The following TRIO variants were observed in gnomAD, a reference collection of about 807,000 sequenced individuals.
The protein encoded by TRIO is triple functional domain protein.
In TRIO, 58 loss-of-function variants were observed where a neutral mutation model predicts 351.9. The ratio of observed to expected loss-of-function variants is 0.16; its 90% CI spans 0.13 to 0.21. The LOEUF is 0.21. Ranked by LOEUF, TRIO falls within the 10% of genes least tolerant of loss-of-function variation. The probability of loss-of-function intolerance (pLI) is 1.00; values close to 1 mark genes in which losing one functional copy is unlikely to be tolerated. For synonymous variants in TRIO, 1,758 were observed against 1,595.7 expected (o/e 1.10, Z -2.42); for missense variants, 3,201 against 4,027.8 (o/e 0.79, Z 5.56).
intron 1 of TRIO, among the ~76,000 whole-genome samples, chr5:14,227,088 G>A (rs1793092304): frequency 6.6e-6 from 1 of 152,184 alleles, no homozygotes; most frequent in Admixed American, 6.5e-5. Flanking sequence ...GAAAACATGC[G>A]GAAATAGGAA....
In TRIO at chr5:14,350,396, C is replaced by T. The variant is rs1742953686; in HGVS notation, c.2047-7782C>T. ...TGTCTTACCTTGCGGGGATGTTGGG[C>T]AATGGAAAGAAAATAAAAAAAACCC... On this transcript the variant is annotated intron_variant, in intron 11 of 56. Transcript: ENST00000344204. Among the ~76,000 whole-genome samples the T allele has an allele frequency of 2.0e-5, 3 of 152,154 alleles. 1 individual carries two copies. Among genetic ancestry groups the T allele is most frequent in the Middle Eastern group, 6.8e-3 (2 of 294 alleles).
chr5:14,473,916 G>T (rs1561532030), intron 39 of TRIO, 78 bp from the exon 40 acceptor site: 2 of 1,454,094 alleles, frequency 1.4e-6, no homozygotes, highest in African/African-American at 2.8e-5. Context: ...TTTGCCCTCT[G>T]TGACTATTAA....
At chr5:14,373,684 G>A (rs1164941670) in intron 18 of TRIO, among the ~76,000 whole-genome samples, 2 of 152,198 alleles carry the variant, frequency 1.3e-5, no homozygotes, top group Non-Finnish European at 2.9e-5. Flanking sequence ...GGGTTGGCAA[G>A]TTCTGAACTG....
chr5:14,316,419 T>G, intron 8 of TRIO, 94 bp from the exon 9 acceptor site: 1 of 1,261,360 alleles, frequency 7.9e-7, no homozygotes, highest in Admixed American at 2.0e-5. Flanking sequence ...TGTGTGCCTG[T>G]ATGTGCACAC....
At chr5:14,375,445 G>A (rs1274192614) in intron 19 of TRIO, among the ~76,000 whole-genome samples, 3 of 152,184 alleles carry the variant, frequency 2.0e-5, no homozygotes, top group Admixed American at 6.5e-5. Context: ...ACTGTGTTTC[G>A]TTTATTCCCT....
chr5:14,357,597 G>T (rs571742935), intron 11 of TRIO, among the ~76,000 whole-genome samples: 17 of 152,154 alleles, frequency 1.1e-4, no homozygotes, highest in African/African-American at 4.1e-4. Flanking sequence ...TTGAAGGCCC[G>T]AACTGTTGGC....
chr5:14,363,902 G>A lies in TRIO; in HGVS notation c.2562G>A (p.Gln854=), dbSNP rs1744370913. The A allele has an allele frequency of 6.2e-7, 1 of 1,614,184 alleles. No individual in the cohort carries two copies. The highest frequency in any genetic ancestry group is 1.7e-5 in the Admixed American group (1 of 60,034). The change falls in exon 14 of 57, where the codon CAG becomes CAA. Residue 854 remains glutamine (Q), a synonymous_variant. Transcript: ENST00000344204. ...TCCACCAAGGGCAAGATCTTCTGCA[G>A]TATGTCAATGAGGTCCAGGCCTCTG... The part of the protein sequence containing the change: ...DVIHQGQDLL[Q]YVNEVQASGV...
In TRIO at chr5:14,434,230, G is replaced by A. The variant is rs186160940; in HGVS notation, c.5203+14209G>A. The stretch of plus-strand genomic sequence containing the variant: ...TAAATAAAAATACTTTAATTTTCAC[G>A]AAAATAAGATTGACTATTGTAATTT... On this transcript the variant is annotated intron_variant, in intron 34 of 56. Coordinates refer to ENST00000344204, the MANE Select transcript of TRIO (RefSeq NM_007118.4). Among the ~76,000 whole-genome samples, 323 of 152,216 alleles carry A rather than the reference G, an allele frequency of 2.1e-3. 2 individuals are homozygous for A. The highest frequency in any genetic ancestry group is 3.5e-3 in the Non-Finnish European group (241 of 67,988).
At position 14,472,563 on chromosome 5, in the gene TRIO, G is replaced by C. The variant is rs769262554; in HGVS notation, c.5913-29G>C. 5 of 1,612,628 alleles carry C rather than the reference G, an allele frequency of 3.1e-6. No individual in the cohort carries two copies. In the African/African-American group the frequency reaches 5.3e-5, roughly 17 times the overall value. On this transcript the variant is annotated intron_variant, in intron 38 of 56. Coordinates refer to ENST00000344204, the MANE Select transcript of TRIO (RefSeq NM_007118.4). ...AAAAAATTCATTTAGAAAACAGTTT[G>C]CATGATAAACAATATTTTTTCTCTC... is the stretch of plus-strand genomic sequence containing the variant.
In TRIO at chr5:14,487,947, G is replaced by C. The variant is rs958210461; in HGVS notation, c.7319G>C (p.Ser2440Thr). Residue 2440 changes from serine to threonine, a missense_variant, in exon 48 of 57, where the codon AGC becomes ACC. Ser to Thr is a moderately conservative substitution (Grantham distance 58, BLOSUM62 1). Around this residue, in one of 19 missense-constraint regions of TRIO, gnomAD observed 1,089 missense variants for 954.9 expected, o/e 1.14. Transcript: ENST00000344204. Reference protein sequence around the residue: ...PDAPAKDARASLGTLPLGKPR... With the variant: ...PDAPAKDARATLGTLPLGKPR... The stretch of plus-strand genomic sequence containing the variant: ...GCCCCCGCCAAGGACGCGCGCGCTA[G>C]CCTGGGCACCCTGCCGCTTGGGAAG... 3 of 1,548,336 alleles carry C rather than the reference G, an allele frequency of 1.9e-6. No homozygotes were observed. Among genetic ancestry groups the C allele is most frequent in the Non-Finnish European group, 2.6e-6 (3 of 1,146,796 alleles).
chr5:14,182,481 T>G (rs1311636927), intron 1 of TRIO, among the ~76,000 whole-genome samples: 2 of 152,248 alleles, frequency 1.3e-5, no homozygotes, highest in African/African-American at 4.8e-5. Flanking sequence ...AATGCAAGTT[T>G]CTTCTTGTCC....
chr5:14,454,457 T>C (rs1202587786), intron 34 of TRIO, among the ~76,000 whole-genome samples: 2 of 152,218 alleles, frequency 1.3e-5, no homozygotes, highest in Non-Finnish European at 2.9e-5. Context: ...TGACTAAAAT[T>C]AGATGTTACT....
intron 5 of TRIO, among the ~76,000 whole-genome samples, 166 bp downstream of exon 5, chr5:14,291,394 G>A (rs571017870): frequency 3.3e-5 from 5 of 151,944 alleles, no homozygotes; most frequent in East Asian, 3.9e-4. Flanking sequence ...TCTGTTTTCC[G>A]GTTTTACTCG....
rs193283296 is a variant in TRIO at position 14,288,526 on chromosome 5, G to A, written c.540+1463G>A. Among the ~76,000 whole-genome samples the A allele has an allele frequency of 8.2e-3, 1,247 of 152,224 alleles. 14 individuals carry two copies. The highest frequency in any genetic ancestry group is 0.028 in the African/African-American group (1,169 of 41,522). On this transcript the variant is annotated intron_variant, in intron 4 of 56. Coordinates refer to ENST00000344204, the MANE Select transcript of TRIO (RefSeq NM_007118.4). The stretch of plus-strand genomic sequence containing the variant: ...TACTAAAATACAAAAAATTAGCCGG[G>A]CGTGGTGGCAGGCACCTGTAGTCCC...
intron 1 of TRIO, among the ~76,000 whole-genome samples, chr5:14,202,892 T>C (rs1028357325): frequency 6.6e-6 from 1 of 151,922 alleles, no homozygotes; most frequent in Non-Finnish European, 1.5e-5. Context: ...TGTATGTCTT[T>C]ATCAGCCATG....
At chr5:14,354,489 G>A (rs916751548) in intron 11 of TRIO, among the ~76,000 whole-genome samples, 7 of 152,196 alleles carry the variant, frequency 4.6e-5, no homozygotes, top group Non-Finnish European at 5.9e-5. Context: ...TGACCCGGAC[G>A]CCCTCCTGCT....
intron 20 of TRIO, among the ~76,000 whole-genome samples, chr5:14,380,678 A>G (rs1746024620): frequency 6.6e-6 from 1 of 152,208 alleles, no homozygotes. Flanking sequence ...TCAAAGATCT[A>G]GAACCAGAAA....
At chr5:14,359,600 C>T in intron 13 of TRIO, 69 bp downstream of exon 13, 1 of 1,554,916 alleles carries the variant, frequency 6.4e-7, no homozygotes. Flanking sequence ...CACCGGCGCC[C>T]TCTTGTCTCT....
intron 21 of TRIO, 144 bp downstream of exon 21, chr5:14,381,396 C>T (rs1001465071): frequency 1.9e-5 from 20 of 1,033,152 alleles, no homozygotes; most frequent in African/African-American, 1.1e-4. Context: ...TTCCTCCTTC[C>T]GTTCACGTGT....
Sources: allele counts gnomAD v4.1 joint callset (sites outside exome capture counted in the v4.1 genomes callset), GRCh38; gene constraint gnomAD v4.1.1; regional missense constraint gnomAD v4.1.1; transcripts MANE v1.5; gene names NCBI Gene and HGNC (gene_info 2026-07-23, HGNC 2026-07-21).